The following ANKS1A variants were observed in gnomAD, a reference collection of about 807,000 sequenced individuals.
The protein encoded by ANKS1A is ankyrin repeat and SAM domain-containing protein 1A.
ANKS1A carries 55 observed loss-of-function variants against 120.3 expected under a neutral mutation model. The observed-to-expected ratio is 0.46, with a 90% CI of 0.37 to 0.57. The LOEUF is 0.57. ANKS1A is among the 20% of genes least tolerant of loss of function. The pLI is 0.00. For synonymous variants in ANKS1A, 590 were observed against 604.7 expected (o/e 0.98, Z 0.36); for missense variants, 1,123 against 1,480.3 (o/e 0.76, Z 3.96).
intron 11 of ANKS1A, among the ~76,000 whole-genome samples, chr6:35,018,737 A>G (rs1324329886): frequency 6.6e-6 from 1 of 151,820 alleles, no homozygotes; most frequent in Non-Finnish European, 1.5e-5. Flanking sequence ...TTGTATCTTT[A>G]TGTCCATGAG....
At position 35,079,615 on chromosome 6, in the gene ANKS1A, G is replaced by A. The variant is rs1277726945; in HGVS notation, c.2383G>A (p.Gly795Ser). 6.2e-7 allele frequency: 1 copy of A among 1,614,210 alleles called. No individual in the cohort carries two copies. Among genetic ancestry groups the A allele is most frequent in the South Asian group, 1.1e-5 (1 of 91,082 alleles). Reference sequence around the variant, plus strand: ...CTACGTCCATTCCTTCTTGTCAAGTGGTTACAGCTCCATTGACACCGTGAA... The same window carrying A: ...CTACGTCCATTCCTTCTTGTCAAGTAGTTACAGCTCCATTGACACCGTGAA... ...QDYVHSFLSS[G>S]YSSIDTVKNL... is the part of the protein sequence containing the mutation. Residue 795 changes from glycine to serine, a missense_variant, in exon 15 of 24, where the codon GGT becomes AGT. Gly to Ser is a moderately conservative substitution (Grantham distance 56). Coordinates refer to ENST00000360359, the MANE Select transcript of ANKS1A (RefSeq NM_015245.3).
At chr6:35,065,388 A>G (rs1338068320) in intron 13 of ANKS1A, among the ~76,000 whole-genome samples, 1 of 152,032 alleles carries the variant, frequency 6.6e-6, no homozygotes, top group Non-Finnish European at 1.5e-5. Context: ...AATTTGACCA[A>G]CTGCTCTTTA....
intron 3 of ANKS1A, among the ~76,000 whole-genome samples, chr6:34,975,660 A>T (rs1412258161): frequency 6.6e-6 from 1 of 152,000 alleles, no homozygotes; most frequent in Non-Finnish European, 1.5e-5. Flanking sequence ...AATTCTCAGG[A>T]GGCTGAGGTG....
At chr6:35,040,884 A>G (rs1022109006) in intron 11 of ANKS1A, among the ~76,000 whole-genome samples, 16 of 152,292 alleles carry the variant, frequency 1.1e-4, no homozygotes, top group South Asian at 6.2e-4. Context: ...CCACCTGTCC[A>G]GGTGTCTGCC....
rs9380469 is a variant in ANKS1A, at chr6:34,909,537, A to T, written c.197+19938A>T. Among the ~76,000 whole-genome samples the T allele has an allele frequency of 2.3e-3, 355 of 152,230 alleles. 10 individuals are homozygous for T. In the East Asian group the frequency reaches 0.064, roughly 27 times the overall value. On this transcript the variant is annotated intron_variant, in intron 1 of 23. Coordinates refer to ENST00000360359, the MANE Select transcript of ANKS1A (RefSeq NM_015245.3). ...ACTCTCTTGGGAAGCAGAATGAATT[A>T]AGTTAATTTAGAACCAAAAGATAAT...
chr6:34,916,554 A>T (rs749866895), intron 1 of ANKS1A, among the ~76,000 whole-genome samples: 34 of 152,202 alleles, frequency 2.2e-4, no homozygotes, highest in Admixed American at 3.9e-4. Flanking sequence ...GGTCCAAGAA[A>T]TTTTCATCAA....
intron 1 of ANKS1A, among the ~76,000 whole-genome samples, chr6:34,925,443 C>T (rs1768662724): frequency 6.6e-6 from 1 of 152,168 alleles, no homozygotes; most frequent in Admixed American, 6.5e-5. Context: ...CAAAGGCCTT[C>T]AATGCTCTGT....
intron 11 of ANKS1A, among the ~76,000 whole-genome samples, chr6:35,041,802 T>C (rs1040996375): frequency 6.6e-6 from 1 of 152,206 alleles, no homozygotes; most frequent in Admixed American, 6.5e-5. Context: ...AGCTCTTCTG[T>C]GGCCTCCCAT....
chr6:34,977,708 C>T (rs1310578884), intron 3 of ANKS1A, among the ~76,000 whole-genome samples: 1 of 152,068 alleles, frequency 6.6e-6, no homozygotes, highest in African/African-American at 2.4e-5. Context: ...AACTCTTCTT[C>T]CACATGATGG....
intron 10 of ANKS1A, among the ~76,000 whole-genome samples, chr6:35,005,165 T>C (rs1020590642): frequency 6.6e-6 from 1 of 152,246 alleles, no homozygotes; most frequent in South Asian, 2.1e-4. Context: ...GGTCAGAGTG[T>C]ATGTGCATGT....
chr6:35,088,547 A>AC (rs1187160858), intron 23 of ANKS1A, 59 bp from the exon 24 acceptor site: 53 of 1,603,320 alleles, frequency 3.3e-5, no homozygotes, highest in Non-Finnish European at 6.8e-6. Context: ...CATTTCCTCC[A>AC]CCGTCCGCAG....
chr6:35,091,752 C>T (rs1371065536), downstream of ANKS1A, among the ~76,000 whole-genome samples: 1 of 152,224 alleles, frequency 6.6e-6, no homozygotes, highest in Non-Finnish European at 1.5e-5. Context: ...CGAACATCTG[C>T]CTCCCAGGCA....
chr6:34,989,205 AT>A lies in ANKS1A; in HGVS notation c.1210-12del, dbSNP rs1561894507. The A allele has an allele frequency of 1.2e-6, 2 of 1,607,856 alleles. No individual in the cohort carries two copies. The highest frequency in any genetic ancestry group is 1.7e-5 in the Admixed American group (1 of 58,484). On this transcript the variant is annotated intron_variant, in intron 8 of 23. Transcript: ENST00000360359. ...TTAAAAAAGAGATCGCAAAATATTTATTTTTTTCTCTTCTGCAGAGGGAACG... is the reference window on the plus strand; with the variant it reads ...TTAAAAAAGAGATCGCAAAATATTTATTTTTTCTCTTCTGCAGAGGGAACG...
At chr6:34,908,744 G>A (rs573397805) in intron 1 of ANKS1A, among the ~76,000 whole-genome samples, 2 of 152,216 alleles carry the variant, frequency 1.3e-5, no homozygotes, top group South Asian at 2.1e-4. Flanking sequence ...CTTGGTGTAC[G>A]AATGCATTTG....
chr6:35,015,721 C>T, intron 10 of ANKS1A, among the ~76,000 whole-genome samples: 1 of 152,206 alleles, frequency 6.6e-6, no homozygotes, highest in East Asian at 1.9e-4. Flanking sequence ...CAGACCTCAG[C>T]GAGTTGGGCT....
chr6:34,901,386 T>A (rs1243893278), intron 1 of ANKS1A, among the ~76,000 whole-genome samples: 1 of 152,200 alleles, frequency 6.6e-6, no homozygotes, highest in African/African-American at 2.4e-5. Flanking sequence ...ATGGGAAATG[T>A]TACTTTCCAT....
chr6:35,081,355 C>T (rs767420949), intron 17 of ANKS1A, among the ~76,000 whole-genome samples, 197 bp downstream of exon 17: 3 of 152,212 alleles, frequency 2.0e-5, no homozygotes, highest in Admixed American at 6.5e-5. Context: ...GTGCCGAGCT[C>T]GGGCCGCACA....
At chr6:34,967,195 G>T in intron 1 of ANKS1A, 44 bp from the exon 2 acceptor site, 1 of 1,595,886 alleles carries the variant, frequency 6.3e-7, no homozygotes, top group South Asian at 1.1e-5. Flanking sequence ...TTGTGACTTC[G>T]GTCTGTGAAA....
At chr6:34,995,362 C>T (rs1772793372) in intron 10 of ANKS1A, among the ~76,000 whole-genome samples, 1 of 149,636 alleles carries the variant, frequency 6.7e-6, no homozygotes, top group African/African-American at 2.4e-5. Flanking sequence ...TGGTCATTTT[C>T]ATAGTGTTTT....
Sources: gnomAD v4.1 joint callset for allele counts (sites outside exome capture counted in the v4.1 genomes callset) on GRCh38, gnomAD v4.1.1 for gene constraint, MANE v1.5 for transcripts, NCBI Gene and HGNC (gene_info 2026-07-23, HGNC 2026-07-21) for gene names.